Variants in SCART1 observed in about 807,000 individuals in gnomAD.
SCART1 encodes the protein scavenger receptor family member expressed on T cells 1.
SCART1 carries 62 observed loss-of-function variants against 36.2 expected under a neutral mutation model. That is an observed-to-expected ratio of 1.71 (90% confidence interval 1.40 to 2.12). The LOEUF (loss-of-function observed/expected upper bound fraction) is 2.12, where lower values mean the gene tolerates loss of function less well. Ranked by LOEUF, SCART1 falls within the 30% of genes most tolerant of loss-of-function variation. The probability of loss-of-function intolerance (pLI) is 0.00; values close to 1 mark genes in which losing one functional copy is unlikely to be tolerated. For synonymous variants in SCART1, 487 were observed against 238.7 expected, an observed-to-expected ratio of 2.04 and a Z score of -9.59; for missense variants, 1,041 against 540.5, an observed-to-expected ratio of 1.93 and a Z score of -9.18.
rs970109989 is a variant in SCART1, at chr10:133,456,574, G to A, written c.385+20G>A. On this transcript the variant is annotated intron_variant, in intron 2 of 11. Transcript: ENST00000640237. ...GCTCCAGTAAGTAGGGAGGAGTGAA[G>A]GGGACGGGGCTGAGGAGGAGGAGGA... is the stretch of plus-strand genomic sequence containing the variant. The A allele has an allele frequency of 1.7e-5, 11 of 645,584 alleles. No individual in the cohort carries two copies. The highest frequency in any genetic ancestry group is 2.7e-5 in the East Asian group (1 of 36,714). 40.0% of individuals were successfully genotyped at this position (645,584 alleles called of 1,614,324 possible).
Position 133,457,337 on chromosome 10 carries a change from C to T in SCART1, c.444C>T (p.Pro148=), listed in dbSNP as rs539062577. Reference sequence around the variant, plus strand: ...GCCGCAGTCCCTGCGCGGGACTCCCCGAGATCAGAAACGTGAATGGGGTGG... The same window carrying T: ...GCCGCAGTCCCTGCGCGGGACTCCCTGAGATCAGAAACGTGAATGGGGTGG... The change falls in exon 3 of 12, where the codon CCC becomes CCT. Residue 148 remains proline, a synonymous_variant. Transcript: ENST00000640237. 2.4e-4 allele frequency: 171 copies of T among 699,232 alleles called. No individual in the cohort carries two copies. In the East Asian group the frequency reaches 4.2e-3, roughly 17 times the overall value. 43.3% of individuals were successfully genotyped at this position (699,232 alleles called of 1,614,324 possible). A position where few individuals can be genotyped will look rare whatever the true frequency, so the allele number is the denominator to read the frequency against.
chr10:133,464,827 C>T lies in SCART1; in HGVS notation c.2191C>T (p.Arg731Ter), dbSNP rs1163859671. ...CCGGGACCGCCTGGGTGGACAACAT[C>T]GAGTGCCGCAGGCTGCCCAACTCCA... The change falls in exon 7 of 12, where the codon CGA (arginine) becomes TGA (stop). Residue 731 changes from arginine to a stop codon, truncating the protein, a stop_gained. Coordinates refer to ENST00000640237, the Ensembl canonical transcript of SCART1. LOFTEE classifies it high-confidence loss of function. 5 of 702,710 alleles carry T rather than the reference C, an allele frequency of 7.1e-6. No homozygotes were observed. The highest frequency in any genetic ancestry group is 2.0e-5 in the Admixed American group (1 of 50,002). The allele number at this position is 702,710 out of a possible 1,614,324, so 43.5% of individuals were successfully genotyped here.
chr10:133,457,268 G>A lies in SCART1; in HGVS notation c.386-11G>A, dbSNP rs1217813070. The A allele has an allele frequency of 1.4e-6, 1 of 700,658 alleles. No homozygotes were observed. The highest frequency in any genetic ancestry group is 2.0e-5 in the Admixed American group (1 of 49,926). The allele number at this position is 700,658 out of a possible 1,614,324, so 43.4% of individuals were successfully genotyped here. On this transcript the variant is annotated splice_polypyrimidine_tract_variant and intron_variant, in intron 2 of 11. Coordinates refer to ENST00000640237, the Ensembl canonical transcript of SCART1. Reference sequence around the variant, plus strand: ...TCCATACCTTAAGGAGGACCGGCCTGTGCTCCACAGACGGCACTTTCCGGG... The same window carrying A: ...TCCATACCTTAAGGAGGACCGGCCTATGCTCCACAGACGGCACTTTCCGGG...
exon 9 of SCART1, chr10:133,465,468 G>T: frequency 1.1e-5 from 6 of 525,396 alleles, no homozygotes; most frequent in Non-Finnish European, 2.0e-5. Flanking sequence ...ACGAGGTGGG[G>T]TGCCGGGGCA....
chr10:133,457,165 C>A, intron 2 of SCART1, 114 bp from the exon 3 acceptor site: 1 of 648,354 alleles, frequency 1.5e-6, no homozygotes, highest in Non-Finnish European at 2.8e-6. Flanking sequence ...GTCACCTGCC[C>A]CTGAAGCTGG....
chr10:133,466,821 T>A (rs1199736184), intron 10 of SCART1, among the ~76,000 whole-genome samples: 1 of 152,198 alleles, frequency 6.6e-6, no homozygotes, highest in African/African-American at 2.4e-5. Flanking sequence ...GTCAACACGG[T>A]GGATCAGCAT....
At chr10:133,466,121 G>A (rs1330960533) in intron 9 of SCART1, 114 bp from the exon 10 acceptor site, 11 of 631,968 alleles carry the variant, frequency 1.7e-5, no homozygotes, top group East Asian at 8.2e-5. Flanking sequence ...CTTCCGACTC[G>A]CAGGTCCTCC....
chr10:133,466,046 C>T (rs1293003950), intron 9 of SCART1, 189 bp from the exon 10 acceptor site: 6 of 640,414 alleles, frequency 9.4e-6, no homozygotes, highest in South Asian at 7.1e-5. Flanking sequence ...AGCAGACACC[C>T]CCAGTGGACA....
exon 9 of SCART1, chr10:133,465,264 G>T: frequency 1.4e-6 from 1 of 691,830 alleles, no homozygotes; most frequent in South Asian, 1.5e-5. Context: ...AGGGCGCACT[G>T]CGCGTGCGCG....
chr10:133,464,954 G>T (rs968303081), intron 7 of SCART1, 43 bp downstream of exon 7: 6 of 702,766 alleles, frequency 8.5e-6, no homozygotes, highest in Non-Finnish European at 1.6e-5. Context: ...GTCTCTGGGG[G>T]TGCCTGGGAA....
intron 10 of SCART1, chr10:133,466,917 G>T: frequency 6.3e-6 from 2 of 318,420 alleles, no homozygotes; most frequent in Non-Finnish European, 5.7e-6. Context: ...ATCTGCATCA[G>T]CCTCCAGCCC....
intron 6 of SCART1, among the ~76,000 whole-genome samples, chr10:133,462,399 A>T (rs2133556183): frequency 6.6e-6 from 1 of 152,366 alleles, no homozygotes; most frequent in East Asian, 1.9e-4. Flanking sequence ...GACTTACAAA[A>T]ATACTATATT....
chr10:133,463,263 G>A (rs1564835247), intron 6 of SCART1, among the ~76,000 whole-genome samples: 1 of 152,090 alleles, frequency 6.6e-6, no homozygotes, highest in East Asian at 1.9e-4. Flanking sequence ...CTGCAGTCAA[G>A]CTAATGAACA....
At chr10:133,458,234 T>C (rs1211166224) in intron 3 of SCART1, 126 bp from the exon 4 acceptor site, 2 of 700,944 alleles carry the variant, frequency 2.9e-6, no homozygotes, top group Admixed American at 2.0e-5. Flanking sequence ...CTGCCTGTGC[T>C]TGGTAGACCC....
exon 8 of SCART1, chr10:133,465,116 G>A (rs1850747829): frequency 2.8e-6 from 2 of 703,056 alleles, no homozygotes; most frequent in East Asian, 5.4e-5. Context: ...GATTGTCAGA[G>A]GACAGGCCAC....
intron 10 of SCART1, 140 bp from the exon 11 acceptor site, chr10:133,467,058 C>G: frequency 1.8e-6 from 1 of 554,806 alleles, no homozygotes; most frequent in East Asian, 3.0e-5. Flanking sequence ...GCTATGTTGC[C>G]GTGGTCCCTC....
At chr10:133,468,876 A>G (rs1471173239) in exon 12 of SCART1, 2 of 152,174 alleles carry the variant, frequency 1.3e-5, no homozygotes, top group African/African-American at 4.8e-5. Context: ...AATGATGTGT[A>G]ATTTTTTTCT....
At chr10:133,461,194 C>G (rs558585418) in intron 6 of SCART1, among the ~76,000 whole-genome samples, 8 of 152,130 alleles carry the variant, frequency 5.3e-5, no homozygotes, top group African/African-American at 1.9e-4. Context: ...TCTGGAGAAG[C>G]CTGTGAGTGG....
At chr10:133,460,496 A>ATATATATATTTTTTTTTTTTTT in intron 6 of SCART1, among the ~76,000 whole-genome samples, 1 of 136,016 alleles carries the variant, frequency 7.4e-6, no homozygotes, top group Non-Finnish European at 1.6e-5. Context: ...ATATTTATAT[A>ATATATATATTTTTTTTTTTTTT]TTTTAAAAAA....
Sources: allele counts gnomAD v4.1 joint callset (sites outside exome capture counted in the v4.1 genomes callset), GRCh38; gene constraint gnomAD v4.1.1; transcripts MANE v1.5; gene names NCBI Gene and HGNC (gene_info 2026-07-23, HGNC 2026-07-21).